The following RBFOX1 variants were observed in gnomAD, a reference collection of about 807,000 sequenced individuals.
RBFOX1 encodes the protein RNA binding fox-1 homolog 1, also known as RNA binding protein fox-1 homolog 1.
In RBFOX1, 8 loss-of-function variants were observed where a neutral mutation model predicts 57.7. The ratio of observed to expected loss-of-function variants is 0.14; its 90% CI spans 0.08 to 0.25. RBFOX1 has a LOEUF of 0.25. RBFOX1 is among the 10% of genes least tolerant of loss of function. The pLI is 1.00. For missense variants in RBFOX1, 611 were observed against 548.5 expected, an observed-to-expected ratio of 1.11 and a Z score of -1.14; for synonymous variants, 326 against 222.4, an observed-to-expected ratio of 1.47 and a Z score of -4.15.
At chr16:7,593,351 A>T (rs1248568984) in intron 7 of RBFOX1, among the ~76,000 whole-genome samples, 2 of 152,210 alleles carry the variant, frequency 1.3e-5, no homozygotes, top group African/African-American at 4.8e-5. Flanking sequence ...CAAATAGAGC[A>T]AAATCCCCCT....
chr16:5,932,846 C>G (rs190328143), intron 4 of RBFOX1, among the ~76,000 whole-genome samples: 3 of 152,242 alleles, frequency 2.0e-5, no homozygotes, highest in African/African-American at 7.2e-5. Flanking sequence ...GTGCCTCACA[C>G]CCGCCACTCC....
chr16:5,752,206 G>A (rs1471283072), intron 3 of RBFOX1, among the ~76,000 whole-genome samples: 1 of 152,222 alleles, frequency 6.6e-6, no homozygotes, highest in Admixed American at 6.5e-5. Flanking sequence ...TTACTTAGAA[G>A]TGGTAGCTGA....
At chr16:7,104,148 C>T (rs1486161228) in intron 4 of RBFOX1, among the ~76,000 whole-genome samples, 1 of 152,062 alleles carries the variant, frequency 6.6e-6, no homozygotes, top group African/African-American at 2.4e-5. Context: ...AAATTAAGGC[C>T]AAGATAAGTA....
intron 2 of RBFOX1, among the ~76,000 whole-genome samples, chr16:5,504,296 C>G (rs990706305): frequency 6.6e-6 from 1 of 152,218 alleles, no homozygotes; most frequent in Admixed American, 6.5e-5. Flanking sequence ...CAACAGCTGC[C>G]AACTTTGAGG....
chr16:5,759,503 C>A (rs559066082), intron 3 of RBFOX1, among the ~76,000 whole-genome samples: 2 of 152,226 alleles, frequency 1.3e-5, no homozygotes, highest in Non-Finnish European at 2.9e-5. Flanking sequence ...ACCTCTCAGG[C>A]TCACCTTCAG....
At chr16:7,423,195 T>A (rs776814264) in intron 4 of RBFOX1, among the ~76,000 whole-genome samples, 20 of 151,966 alleles carry the variant, frequency 1.3e-4, no homozygotes, top group Non-Finnish European at 2.6e-4. Context: ...TGGCCTTCTT[T>A]TAGGAGTGAC....
At chr16:7,035,624 A>G (rs115136455) in intron 3 of RBFOX1, among the ~76,000 whole-genome samples, 3,438 of 152,250 alleles carry the variant, frequency 0.023, 133 homozygotes, top group African/African-American at 0.078. Flanking sequence ...TTAAATCTGA[A>G]GAGCTCTCTG....
At chr16:6,599,366 G>A (rs937253460) in intron 2 of RBFOX1, among the ~76,000 whole-genome samples, 1 of 152,140 alleles carries the variant, frequency 6.6e-6, no homozygotes, top group African/African-American at 2.4e-5. Flanking sequence ...TGTGACCTGG[G>A]TCTAGTAATG....
Position 5,846,181 on chromosome 16 carries a change from T to A in RBFOX1, c.319-21122T>A, listed in dbSNP as rs201412837. 3.8e-3 allele frequency among the ~76,000 whole-genome samples: 505 copies of A among 132,428 alleles called. 12 individuals are homozygous for A. The East Asian group carries it at 0.062, about 16-fold the overall frequency. The allele number at this position is 132,428 out of a possible 152,430, so 86.9% of individuals were successfully genotyped here. A position where few individuals can be genotyped will look rare whatever the true frequency, so the allele number is the denominator to read the frequency against. On this transcript the variant is annotated intron_variant, in intron 3 of 19. Coordinates refer to the RBFOX1 transcript ENST00000641259. The stretch of plus-strand genomic sequence containing the variant: ...TGGGCGACAGAGTGAGGCACTGTCT[T>A]AAAAAAAAAAAAAAAAGAATTTAGT...
intron 4 of RBFOX1, chr16:7,510,331 C>A (rs1328948325): frequency 2.0e-6 from 2 of 981,628 alleles, no homozygotes; most frequent in African/African-American, 3.5e-5. Flanking sequence ...GTTTTTTTTT[C>A]CATTTAATCT....
chr16:6,351,607 C>T (rs565636171), intron 2 of RBFOX1, among the ~76,000 whole-genome samples: 10 of 152,030 alleles, frequency 6.6e-5, no homozygotes, highest in Non-Finnish European at 1.5e-4. Context: ...CTCCTGACCT[C>T]AGGTGATCCG....
intron 2 of RBFOX1, among the ~76,000 whole-genome samples, chr16:6,590,488 A>G (rs1285982715): frequency 1.3e-5 from 2 of 152,200 alleles, no homozygotes; most frequent in Non-Finnish European, 2.9e-5. Flanking sequence ...TACCTGGTTC[A>G]GAGACAATTG....
intron 3 of RBFOX1, among the ~76,000 whole-genome samples, chr16:6,881,332 C>T (rs950872083): frequency 2.0e-5 from 3 of 152,284 alleles, no homozygotes; most frequent in Admixed American, 1.3e-4. Context: ...TGCCATAACA[C>T]AGTGCCACAG....
intron 1 of RBFOX1, among the ~76,000 whole-genome samples, chr16:5,306,753 CT>C (rs779077033): frequency 5.3e-5 from 8 of 152,200 alleles, no homozygotes; most frequent in Non-Finnish European, 1.2e-4. Flanking sequence ...CACTTTATGC[CT>C]TTTATCTGTT....
chr16:5,391,017 C>T (rs1041051922), intron 1 of RBFOX1, among the ~76,000 whole-genome samples: 2 of 152,176 alleles, frequency 1.3e-5, no homozygotes, highest in Non-Finnish European at 2.9e-5. Context: ...TTGTGAGAAG[C>T]TCAACCAACA....
chr16:6,139,943 G>A (rs973535696), intron 1 of RBFOX1, among the ~76,000 whole-genome samples: 1 of 152,136 alleles, frequency 6.6e-6, no homozygotes, highest in South Asian at 2.1e-4. Flanking sequence ...TTCAAAGATG[G>A]TCTTGATGAG....
At chr16:7,217,196 C>A (rs1242161039) in intron 4 of RBFOX1, among the ~76,000 whole-genome samples, 1 of 151,356 alleles carries the variant, frequency 6.6e-6, no homozygotes, top group Non-Finnish European at 1.5e-5. Context: ...CCTCCGCCTT[C>A]CGGATTGAAG....
intron 2 of RBFOX1, among the ~76,000 whole-genome samples, chr16:6,465,619 T>C (rs1597634318): frequency 6.6e-6 from 1 of 151,486 alleles, no homozygotes; most frequent in South Asian, 2.1e-4. Flanking sequence ...TGTGTGTGTG[T>C]GTGTGTGTGT....
intron 5 of RBFOX1, among the ~76,000 whole-genome samples, chr16:7,559,632 G>A (rs1387699407): frequency 6.6e-6 from 1 of 152,216 alleles, no homozygotes; most frequent in East Asian, 1.9e-4. Flanking sequence ...CAGTGATTGT[G>A]CTTTCCAAGG....
Sources: allele counts gnomAD v4.1 joint callset (sites outside exome capture counted in the v4.1 genomes callset), GRCh38; gene constraint gnomAD v4.1.1; transcripts MANE v1.5; gene names NCBI Gene and HGNC (gene_info 2026-07-23, HGNC 2026-07-21).